Variants in CENPF observed in about 807,000 individuals in gnomAD.
CENPF encodes AH antigen.
A neutral mutation model predicts 307.3 loss-of-function variants in CENPF; 214 were observed. That is an observed-to-expected ratio of 0.70 (90% CI 0.62 to 0.78). The LOEUF (loss-of-function observed/expected upper bound fraction) is 0.78, where lower values mean the gene tolerates loss of function less well. CENPF is among the 30% of genes least tolerant of loss of function. The pLI is 0.00. For missense variants in CENPF, 3,401 were observed against 3,483.9 expected, an observed-to-expected ratio of 0.98 and a Z score of 0.60; for synonymous variants, 1,259 against 1,270.6, an observed-to-expected ratio of 0.99 and a Z score of 0.19.
rs933001549 is a variant in CENPF at position 214,608,961 on chromosome 1, C to A, written c.-41-4753C>A. On this transcript the variant is annotated intron_variant, in intron 1 of 19. Transcript: ENST00000366955. ...GCGGGCAGGGGGGAGGGCGCCCCCC[C>A]AGCTACGGCCCCAGACGGCAGCCCC... 57 of 959,364 alleles carry A rather than the reference C, an allele frequency of 5.9e-5. 1 individual carries two copies. The South Asian group carries it at 1.2e-3, about 21-fold the overall frequency. 59.4% of individuals were successfully genotyped at this position (959,364 alleles called of 1,614,324 possible). A position where few individuals can be genotyped will look rare whatever the true frequency, so the allele number is the denominator to read the frequency against.
intron 8 of CENPF, 98 bp from the exon 9 acceptor site, chr1:214,630,436 G>T: frequency 6.9e-7 from 1 of 1,439,850 alleles, no homozygotes; most frequent in Non-Finnish European, 9.5e-7. Flanking sequence ...TGTCTCCTGT[G>T]CTCTCTGTGC....
At chr1:214,620,295 G>T (rs1334548717) in intron 5 of CENPF, among the ~76,000 whole-genome samples, 1 of 152,180 alleles carries the variant, frequency 6.6e-6, no homozygotes, top group Non-Finnish European at 1.5e-5. Flanking sequence ...GCTATAGGGG[G>T]AGGTAACCAA....
intron 18 of CENPF, among the ~76,000 whole-genome samples, chr1:214,657,952 T>G (rs1658685395): frequency 6.6e-6 from 1 of 152,234 alleles, no homozygotes; most frequent in Non-Finnish European, 1.5e-5. Flanking sequence ...TCATAGCAAC[T>G]TGATATTTTT....
rs761599341 is a variant in CENPF, at chr1:214,645,003, C to T, written c.5433C>T (p.Leu1811=). ...LNEMKELDSK[L]HLQEVQLMTK... ...AAATGAAAGAATTAGACTCAAAACT[C>T]CATTTACAGGAGGTACAACTAATGA... Residue 1811 remains leucine (L), a synonymous_variant, in exon 13 of 20, where the codon CTC becomes CTT. Transcript: ENST00000366955. 1.1e-5 allele frequency: 18 copies of T among 1,613,424 alleles called. No homozygotes were observed. The highest frequency in any genetic ancestry group is 1.3e-5 in the African/African-American group (1 of 74,936).
At chr1:214,631,619 C>T (rs1039303880) in intron 9 of CENPF, among the ~76,000 whole-genome samples, 16 of 152,188 alleles carry the variant, frequency 1.1e-4, no homozygotes, top group African/African-American at 3.6e-4. Flanking sequence ...CCTGCCTCAG[C>T]CTCCCGAGTG....
chr1:214,635,484 A>G (rs1253742499), intron 10 of CENPF, among the ~76,000 whole-genome samples: 3 of 152,184 alleles, frequency 2.0e-5, no homozygotes, highest in Non-Finnish European at 4.4e-5. Context: ...GATGCAGGAG[A>G]TGCCTAGGAA....
Position 214,641,955 on chromosome 1 carries a change from A to T in CENPF, c.3617A>T (p.Tyr1206Phe), listed in dbSNP as rs144237457. The change falls in exon 12 of 20, where the codon TAT becomes TTT. Residue 1206 changes from tyrosine (Y) to phenylalanine (F), a missense_variant. Transcript: ENST00000366955. ...GTTAAAGAAATTTCTCTAGATAGTT[A>T]TAATGCGCAGTTGGTGCAATTAGAA... ...LEVKEISLDS[Y>F]NAQLVQLEAM... The T allele has an allele frequency of 6.3e-7, 1 of 1,595,746 alleles. No homozygotes were observed. Among genetic ancestry groups the T allele is most frequent in the African/African-American group, 1.4e-5 (1 of 73,546 alleles).
chr1:214,649,896 TA>T, intron 14 of CENPF, among the ~76,000 whole-genome samples: 1 of 152,354 alleles, frequency 6.6e-6, no homozygotes, highest in East Asian at 1.9e-4. Context: ...ATTCATTCTC[TA>T]AATAATAAGT....
chr1:214,609,838 A>G (rs1357358500), intron 1 of CENPF, among the ~76,000 whole-genome samples: 1 of 152,122 alleles, frequency 6.6e-6, no homozygotes, highest in African/African-American at 2.4e-5. Flanking sequence ...AATGGCCTCT[A>G]ATTCCATCCA....
chr1:214,641,827 A>T lies in CENPF; in HGVS notation c.3489A>T (p.Lys1163Asn), dbSNP rs762600083. ...AGCTGATGAAGGTAATGAAGACTAA[A>T]CATGAATGTCAAAATCTAGAATCAG... ...NEQLMKVMKT[K>N]HECQNLESEP... is the part of the protein sequence containing the mutation. The change falls in exon 12 of 20, where the codon AAA becomes AAT. Residue 1163 changes from lysine to asparagine, a missense_variant. By Grantham distance (94) the Lys-to-Asn change is moderately conservative. Coordinates refer to ENST00000366955, the MANE Select transcript of CENPF (RefSeq NM_016343.4). The T allele has an allele frequency of 6.2e-7, 1 of 1,609,150 alleles. No homozygotes were observed. Among genetic ancestry groups the T allele is most frequent in the South Asian group, 1.1e-5 (1 of 89,460 alleles).
chr1:214,651,968 A>G, intron 15 of CENPF, 82 bp downstream of exon 15: 1 of 1,275,288 alleles, frequency 7.8e-7, no homozygotes. Flanking sequence ...TCCAAAAAAA[A>G]TCAATATTCT....
chr1:214,608,417 T>C (rs1288896080), intron 1 of CENPF: 13 of 1,613,468 alleles, frequency 8.1e-6, no homozygotes, highest in Admixed American at 1.7e-5. Flanking sequence ...TAGGAGAAGA[T>C]GTTGCAATGG....
At chr1:214,625,571 G>C (rs1281553568) in intron 7 of CENPF, among the ~76,000 whole-genome samples, 3 of 152,036 alleles carry the variant, frequency 2.0e-5, no homozygotes, top group African/African-American at 7.2e-5. Flanking sequence ...TACTTAATGT[G>C]ATTATTGATA....
At chr1:214,643,874 AT>A (rs1293085635) in intron 12 of CENPF, among the ~76,000 whole-genome samples, 1 of 152,202 alleles carries the variant, frequency 6.6e-6, no homozygotes, top group African/African-American at 2.4e-5. Flanking sequence ...TTGAATACAT[AT>A]TTGTTTAATT....
chr1:214,630,903 G>C (rs990470011), intron 9 of CENPF, among the ~76,000 whole-genome samples: 1 of 152,172 alleles, frequency 6.6e-6, no homozygotes, highest in African/African-American at 2.4e-5. Context: ...ATAATCTGTT[G>C]GTTCTTGGTT....
chr1:214,657,457 A>C, intron 18 of CENPF, 48 bp downstream of exon 18: 1 of 1,374,852 alleles, frequency 7.3e-7, no homozygotes, highest in East Asian at 2.3e-5. Context: ...TTGAAATTCC[A>C]TATAATGGTT....
intron 19 of CENPF, among the ~76,000 whole-genome samples, chr1:214,663,315 T>A (rs1197117239): frequency 6.6e-6 from 1 of 152,134 alleles, no homozygotes; most frequent in Non-Finnish European, 1.5e-5. Flanking sequence ...TGGTCAAGCA[T>A]GTTGTGGGCT....
rs2102530353 is a variant in CENPF at position 214,613,929 on chromosome 1, C to T, written c.162+13C>T. ...GCAAAAACAGAAGGTACCCCTGAAG[C>T]TCTGGTATTTGTAGCTGTTCACTCA... On this transcript the variant is annotated intron_variant, in intron 2 of 19. Transcript: ENST00000366955. 6.3e-7 allele frequency: 1 copy of T among 1,599,446 alleles called. No individual in the cohort carries two copies. The highest frequency in any genetic ancestry group is 2.2e-5 in the East Asian group (1 of 44,586).
In CENPF at chr1:214,647,204, A is replaced by G. The variant is rs1658336236; in HGVS notation, c.7634A>G (p.Glu2545Gly). The change falls in exon 13 of 20, where the codon GAA becomes GGA. Residue 2545 changes from glutamate to glycine, a missense_variant. Transcript: ENST00000366955. ...EQLVSKLSQV[E>G]GEHQLWKEQN... ...CTTGTCTCTAAACTGTCCCAGGTGG[A>G]AGGAGAGCACCAACTTTGGAAGGAG... The G allele has an allele frequency of 1.2e-6, 2 of 1,614,020 alleles. No homozygotes were observed. The highest frequency in any genetic ancestry group is 2.7e-5 in the African/African-American group (2 of 74,948).
Sources: allele counts gnomAD v4.1 joint callset (sites outside exome capture counted in the v4.1 genomes callset), GRCh38; gene constraint gnomAD v4.1.1; transcripts MANE v1.5; gene names NCBI Gene and HGNC (gene_info 2026-07-23, HGNC 2026-07-21).